Variants in NLRP1 observed in about 807,000 individuals in gnomAD.
The protein encoded by NLRP1 is NLR family pyrin domain containing 1.
In NLRP1, 94 loss-of-function variants were observed where a neutral mutation model predicts 136.7. The ratio of observed to expected loss-of-function variants is 0.69; its 90% CI spans 0.58 to 0.82. NLRP1 has a LOEUF of 0.82. NLRP1 is among the 40% of genes least tolerant of loss of function. The pLI, the probability that NLRP1 is intolerant of heterozygous loss-of-function variation, is 0.00. For synonymous variants in NLRP1, 690 were observed against 725.1 expected (o/e 0.95, Z 0.78); for missense variants, 1,575 against 1,802.7 (o/e 0.87, Z 2.29).
At chr17:5,557,653 A>C (rs1914240345) in intron 4 of NLRP1, among the ~76,000 whole-genome samples, 1 of 152,252 alleles carries the variant, frequency 6.6e-6, no homozygotes, top group Non-Finnish European at 1.5e-5. Context: ...ACATAGACAC[A>C]TACCAATAGC....
In NLRP1 at chr17:5,517,776, T is replaced by C; in HGVS notation, c.4027A>G (p.Thr1343Ala). 6.2e-7 allele frequency: 1 copy of C among 1,614,054 alleles called. No homozygotes were observed. The highest frequency in any genetic ancestry group is 8.5e-7 in the Non-Finnish European group (1 of 1,180,014). ...RLQVKDKKDETLVWEALVKPG... is the reference protein window; with the variant it reads ...RLQVKDKKDEALVWEALVKPG... ...TTCACCAAGGCCTCCCACACCAGAG[T>C]CTCATCTTTCTTGTCTTTCACTTGC... The change falls in exon 15 of 17, where the codon ACT becomes GCT. Residue 1343 changes from threonine to alanine, a missense_variant. Physicochemically the swap from Thr to Ala is moderately conservative, Grantham distance 58. Coordinates refer to ENST00000572272, the MANE Select transcript of NLRP1 (RefSeq NM_033004.4).
At chr17:5,578,016 T>C (rs925158111) in intron 3 of NLRP1, among the ~76,000 whole-genome samples, 1 of 152,252 alleles carries the variant, frequency 6.6e-6, no homozygotes, top group African/African-American at 2.4e-5. Context: ...GGGAAAGGAT[T>C]CCCTATTTAA....
chr17:5,549,141 C>G (rs968147432), intron 5 of NLRP1, among the ~76,000 whole-genome samples: 42 of 152,054 alleles, frequency 2.8e-4, no homozygotes, highest in African/African-American at 9.9e-4. Context: ...TTTTGTAGTT[C>G]TCTGTATACA....
chr17:5,552,297 A>G (rs930913853), intron 5 of NLRP1, among the ~76,000 whole-genome samples: 8 of 151,904 alleles, frequency 5.3e-5, no homozygotes, highest in Admixed American at 2.0e-4. Flanking sequence ...TGTATTTATG[A>G]ACTCCTCAAC....
At chr17:5,551,773 T>A (rs1913387963) in intron 5 of NLRP1, among the ~76,000 whole-genome samples, 1 of 152,188 alleles carries the variant, frequency 6.6e-6, no homozygotes, top group Non-Finnish European at 1.5e-5. Context: ...AAAAAAATTT[T>A]GAGTAATTTT....
At chr17:5,565,847 C>T (rs573680234) in intron 3 of NLRP1, among the ~76,000 whole-genome samples, 2 of 152,212 alleles carry the variant, frequency 1.3e-5, no homozygotes, top group Non-Finnish European at 1.5e-5. Context: ...ATTACGGCTT[C>T]CATGTTGTTA....
chr17:5,553,360 C>A, intron 5 of NLRP1, 26 bp downstream of exon 5: 1 of 1,584,452 alleles, frequency 6.3e-7, no homozygotes, highest in South Asian at 1.1e-5. Context: ...ATCCCTGCTT[C>A]AGAACAGAAC....
intron 3 of NLRP1, among the ~76,000 whole-genome samples, chr17:5,566,327 A>T (rs1026742079): frequency 6.6e-6 from 1 of 151,766 alleles, no homozygotes; most frequent in African/African-American, 2.4e-5. Context: ...CTCTCTTAAT[A>T]TATCCCATAG....
chr17:5,528,582 C>T (rs1215851978), intron 12 of NLRP1, among the ~76,000 whole-genome samples: 1 of 152,156 alleles, frequency 6.6e-6, no homozygotes, highest in Non-Finnish European at 1.5e-5. Context: ...ACAAGACTTT[C>T]CTGGTTCTGG....
In NLRP1 at chr17:5,582,696, G is replaced by C; in HGVS notation, c.422C>G (p.Pro141Arg). Residue 141 changes from proline to arginine, a missense_variant, in exon 2 of 17, where the codon CCT (proline) becomes CGT (arginine). Physicochemically the swap from Pro to Arg is moderately radical, Grantham distance 103 (BLOSUM62 -2). Coordinates refer to ENST00000572272, the MANE Select transcript of NLRP1 (RefSeq NM_033004.4). Reference sequence around the variant, plus strand: ...TCTCCAGCGGCGTCCAGATGTGTCAGGCAGCTGTCTCAAAACCCTTCTCTC... The same window carrying C: ...TCTCCAGCGGCGTCCAGATGTGTCACGCAGCTGTCTCAAAACCCTTCTCTC... ...GSERRVLRQLPDTSGRRWREI... is the reference protein window; with the variant it reads ...GSERRVLRQLRDTSGRRWREI... 6.2e-7 allele frequency: 1 copy of C among 1,614,152 alleles called. No homozygotes were observed.
downstream of NLRP1, among the ~76,000 whole-genome samples, chr17:5,511,505 CTTGT>C (rs1376620979): frequency 1.4e-4 from 22 of 152,206 alleles, no homozygotes; most frequent in African/African-American, 5.1e-4. Flanking sequence ...TCCCCACACA[CTTGT>C]TTGTGTCTGG....
rs1214384165 is a variant in NLRP1, at chr17:5,521,078, G to T, written c.3784-66C>A. 2.0e-6 allele frequency: 3 copies of T among 1,471,704 alleles called. No homozygotes were observed. The East Asian group carries it at 6.9e-5, about 34-fold the overall frequency. The allele number at this position is 1,471,704 out of a possible 1,614,324, so 91.2% of individuals were successfully genotyped here. Reference sequence around the variant, plus strand: ...CCCGTGGAATGTGGTTTGAATAGGGGGGATGGTGCATCTGTGTGTTTGTGT... The same window carrying T: ...CCCGTGGAATGTGGTTTGAATAGGGTGGATGGTGCATCTGTGTGTTTGTGT... On this transcript the variant is annotated intron_variant, in intron 13 of 16. Coordinates refer to ENST00000572272, the MANE Select transcript of NLRP1 (RefSeq NM_033004.4).
intron 12 of NLRP1, among the ~76,000 whole-genome samples, chr17:5,525,753 A>T (rs947547803): frequency 6.6e-6 from 1 of 152,288 alleles, no homozygotes; most frequent in African/African-American, 2.4e-5. Flanking sequence ...TCATCTGTAA[A>T]GTGGGGCTGA....
intron 5 of NLRP1, among the ~76,000 whole-genome samples, chr17:5,545,692 CA>C (rs1330045498): frequency 6.6e-6 from 1 of 152,144 alleles, no homozygotes; most frequent in Non-Finnish European, 1.5e-5. Flanking sequence ...GAGTGTGGCC[CA>C]AGAAAGTCCA....
At chr17:5,524,875 C>A (rs946647867) in intron 12 of NLRP1, among the ~76,000 whole-genome samples, 4 of 152,120 alleles carry the variant, frequency 2.6e-5, no homozygotes, top group Admixed American at 6.5e-5. Context: ...TGCCCAGGAC[C>A]GAGAGGGCTC....
rs1218984192 is a variant in NLRP1 at position 5,541,988 on chromosome 17, G to A, written c.2568C>T (p.Asp856=). The change falls in exon 6 of 17, where the codon GAC becomes GAT. Residue 856 remains aspartate (D), a synonymous_variant. Coordinates refer to ENST00000572272, the MANE Select transcript of NLRP1 (RefSeq NM_033004.4). This position sits in a 1 kb window ranked among gnomAD's most constrained non-coding sequence, Gnocchi z 4.2. The part of the protein sequence containing the change: ...GCGLTAEDCK[D]LAFGLRANQT... ...GGTTGGCTCTCAGCCCAAAGGCAAGGTCCTTGCAGTCCTCAGCTGTGAGGC... is the reference window on the plus strand; with the variant it reads ...GGTTGGCTCTCAGCCCAAAGGCAAGATCCTTGCAGTCCTCAGCTGTGAGGC... 1 of 1,614,030 alleles carries A rather than the reference G, an allele frequency of 6.2e-7. No individual in the cohort carries two copies. Among genetic ancestry groups the A allele is most frequent in the Admixed American group, 1.7e-5 (1 of 60,004 alleles).
chr17:5,521,482 G>A (rs781188588), intron 13 of NLRP1, 42 bp downstream of exon 13: 38 of 1,591,688 alleles, frequency 2.4e-5, no homozygotes, highest in Non-Finnish European at 3.0e-5. Context: ...TGTGTTTACC[G>A]TCAACCCACC....
chr17:5,535,624 G>A (rs941733306), intron 8 of NLRP1, among the ~76,000 whole-genome samples: 1 of 152,234 alleles, frequency 6.6e-6, no homozygotes, highest in Admixed American at 6.5e-5. Flanking sequence ...TGGAGGTTGG[G>A]TTGTGTCTTT....
Position 5,558,512 on chromosome 17 carries a change from T to A in NLRP1, c.2184A>T (p.Lys728Asn). 1 of 1,614,006 alleles carries A rather than the reference T, an allele frequency of 6.2e-7. No homozygotes were observed. The change falls in exon 4 of 17, where the codon AAA (lysine) becomes AAT (asparagine). Residue 728 changes from lysine to asparagine, a missense_variant. Transcript: ENST00000572272. ...SLHCLYETRNKTFLTQVMAHF... is the reference protein window; with the variant it reads ...SLHCLYETRNNTFLTQVMAHF... ...GGGCCATCACTTGTGTCAGGAACGT[T>A]TTGTTCCGAGTCTCGTACAAGCAGT...
Sources: gnomAD v4.1 joint callset for allele counts (sites outside exome capture counted in the v4.1 genomes callset) on GRCh38, gnomAD v4.1.1 for gene constraint, Gnocchi (gnomAD v3.1) non-coding constraint, MANE v1.5 for transcripts, NCBI Gene and HGNC (gene_info 2026-07-23, HGNC 2026-07-21) for gene names.